TMC5: variants seen among roughly 807,000 people sequenced by gnomAD.
TMC5 encodes transmembrane channel-like protein 5.
Under a neutral mutation model 110.5 loss-of-function variants are expected in TMC5, and 86 were observed. The ratio of observed to expected loss-of-function variants is 0.78; its 90% CI spans 0.65 to 0.93. The LOEUF (loss-of-function observed/expected upper bound fraction) is 0.93. Among genes scored for constraint, TMC5 ranks in the 40% least tolerant of loss-of-function variants. The probability of loss-of-function intolerance (pLI) is 0.00; values close to 1 mark genes in which losing one functional copy is unlikely to be tolerated. For synonymous variants in TMC5, 455 were observed against 439.5 expected (o/e 1.04, Z -0.44); for missense variants, 1,144 against 1,222.8 (o/e 0.94, Z 0.96).
intron 8 of TMC5, among the ~76,000 whole-genome samples, chr16:19,465,793 T>C (rs1968172719): frequency 6.6e-6 from 1 of 152,206 alleles, no homozygotes; most frequent in South Asian, 2.1e-4. Flanking sequence ...ATAATACTGG[T>C]GAAACGAGAG....
intron 12 of TMC5, chr16:19,474,647 C>T (rs1284422987): frequency 3.8e-5 from 8 of 210,760 alleles, no homozygotes; most frequent in South Asian, 2.3e-4. Flanking sequence ...CTCCAGCCTG[C>T]GTGACAGAGC....
chr16:19,455,585 CTT>C (rs530791556), intron 5 of TMC5, among the ~76,000 whole-genome samples: 1 of 152,294 alleles, frequency 6.6e-6, no homozygotes, highest in South Asian at 2.1e-4. Context: ...CGTTCGTTCT[CTT>C]CTTTTCAAAA....
intron 11 of TMC5, among the ~76,000 whole-genome samples, chr16:19,472,605 C>G (rs1042223543): frequency 1.3e-5 from 2 of 152,206 alleles, no homozygotes; most frequent in African/African-American, 4.8e-5. Context: ...ATGAATGGAG[C>G]TCAGCTGTGT....
rs114146664 is a variant in TMC5, at chr16:19,484,281, G to T, written c.2364-2664G>T. Among the ~76,000 whole-genome samples, 690 of 152,240 alleles carry T rather than the reference G, an allele frequency of 4.5e-3. 2 individuals carry two copies. Among genetic ancestry groups the T allele is most frequent in the African/African-American group, 0.016 (657 of 41,538 alleles). The stretch of plus-strand genomic sequence containing the variant: ...GAGTTTATTTTTTAGAGACAGTGAG[G>T]ACCTTTCTTTTGTAGTTTAGGTGAT... On this transcript the variant is annotated intron_variant, in intron 15 of 21. Transcript: ENST00000542583.
intron 3 of TMC5, among the ~76,000 whole-genome samples, chr16:19,441,308 T>G (rs1375403722): frequency 2.6e-5 from 1 of 38,854 alleles, no homozygotes; most frequent in Admixed American, 4.4e-4. Context: ...TTTTTGGTCA[T>G]TTTTTTTTCT....
chr16:19,464,128 C>CT, intron 8 of TMC5, 104 bp downstream of exon 8: 16 of 1,308,234 alleles, frequency 1.2e-5, no homozygotes, highest in Non-Finnish European at 1.7e-5. Flanking sequence ...GCCTGGGGGT[C>CT]AACTGATGGG....
intron 5 of TMC5, among the ~76,000 whole-genome samples, chr16:19,453,146 A>G (rs956256509): frequency 6.6e-6 from 1 of 151,906 alleles, no homozygotes; most frequent in Non-Finnish European, 1.5e-5. Context: ...TGATTCACAA[A>G]CCACATGCAA....
At chr16:19,487,699 C>CTCAA (rs1342036618) in intron 17 of TMC5, 4 of 102,538 alleles carry the variant, frequency 3.9e-5, no homozygotes, top group East Asian at 2.4e-4. Flanking sequence ...GAGACTCTGT[C>CTCAA]TCAATAAATA....
At chr16:19,444,021 A>T in intron 3 of TMC5, 60 bp from the exon 4 acceptor site, 1 of 963,506 alleles carries the variant, frequency 1.0e-6, no homozygotes, top group African/African-American at 1.6e-5. Context: ...GGATGGATGG[A>T]TGGATGACAA....
At chr16:19,434,036 TATATATATA>T (rs1178765862) in intron 2 of TMC5, among the ~76,000 whole-genome samples, 17 of 6,420 alleles carry the variant, frequency 2.6e-3, no homozygotes, top group Non-Finnish European at 5.8e-3. Flanking sequence ...ATCTATATAT[TATATATATA>T]ATATATATAA....
At chr16:19,493,431 T>C (rs1316314712) in intron 19 of TMC5, among the ~76,000 whole-genome samples, 1 of 146,490 alleles carries the variant, frequency 6.8e-6, no homozygotes, top group African/African-American at 2.5e-5. Flanking sequence ...GGGTACATGT[T>C]GCATTTGGTT....
chr16:19,421,713 CT>C (rs1966985988), intron 1 of TMC5, among the ~76,000 whole-genome samples: 1 of 152,206 alleles, frequency 6.6e-6, no homozygotes, highest in African/African-American at 2.4e-5. Flanking sequence ...ACTTCCCAAG[CT>C]TGATGTCATA....
chr16:19,420,382 C>T (rs1419758567), intron 1 of TMC5, among the ~76,000 whole-genome samples: 1 of 151,700 alleles, frequency 6.6e-6, no homozygotes, highest in Non-Finnish European at 1.5e-5. Context: ...GAGCTGAGAT[C>T]ATGCCACTGC....
chr16:19,453,101 C>T (rs1967787685), intron 5 of TMC5, among the ~76,000 whole-genome samples: 1 of 151,524 alleles, frequency 6.6e-6, no homozygotes, highest in Non-Finnish European at 1.5e-5. Context: ...AAAGATGAAC[C>T]TGGCTGTCTT....
At chr16:19,453,509 A>G (rs1967795659) in intron 5 of TMC5, among the ~76,000 whole-genome samples, 1 of 151,984 alleles carries the variant, frequency 6.6e-6, no homozygotes, top group East Asian at 1.9e-4. Flanking sequence ...GAATCACTTG[A>G]ACCCGGGAGG....
intron 19 of TMC5, among the ~76,000 whole-genome samples, chr16:19,493,878 T>C (rs941952219): frequency 1.5e-4 from 10 of 66,068 alleles, no homozygotes; most frequent in African/African-American, 2.2e-4. Context: ...ATATCCTACA[T>C]ATATCTTTTT....
chr16:19,414,740 C>T (rs9926133), upstream of TMC5, among the ~76,000 whole-genome samples: 6,034 of 150,782 alleles, frequency 0.04, 158 homozygotes, highest in African/African-American at 0.07. Context: ...GACCACCCCC[C>T]GATCTCGACA....
chr16:19,421,509 TCCC>T (rs1966982333), intron 1 of TMC5, among the ~76,000 whole-genome samples: 1 of 152,142 alleles, frequency 6.6e-6, no homozygotes, highest in Non-Finnish European at 1.5e-5. Flanking sequence ...TTGTGAGACC[TCCC>T]CAGCCATGTG....
chr16:19,461,574 G>A lies in TMC5; in HGVS notation c.1148+1240G>A, dbSNP rs186140244. 2.5e-3 allele frequency among the ~76,000 whole-genome samples: 377 copies of A among 148,594 alleles called. 2 individuals carry two copies. Among genetic ancestry groups the A allele is most frequent in the African/African-American group, 9.4e-3 (368 of 38,948 alleles). ...GGGTGACAGAGCAAGACTCTGTATC[G>A]GAAAAAAAAATAAACTAAAATAAAA... is the stretch of plus-strand genomic sequence containing the variant. On this transcript the variant is annotated intron_variant, in intron 6 of 21. Coordinates refer to ENST00000542583, the MANE Select transcript of TMC5 (RefSeq NM_001261841.2).
Sources: gnomAD v4.1 joint callset for allele counts (sites outside exome capture counted in the v4.1 genomes callset) on GRCh38, gnomAD v4.1.1 for gene constraint, MANE v1.5 for transcripts, NCBI Gene and HGNC (gene_info 2026-07-23, HGNC 2026-07-21) for gene names.